The following TNFAIP2 variants were observed in gnomAD, a reference collection of about 807,000 sequenced individuals.
TNFAIP2 encodes the protein TNF alpha induced protein 2.
In TNFAIP2, 47 loss-of-function variants were observed where a neutral mutation model predicts 63.5. The ratio of observed to expected loss-of-function variants is 0.74; its 90% CI spans 0.59 to 0.94. The LOEUF is 0.94. Among genes scored for constraint, TNFAIP2 ranks in the 40% least tolerant of loss-of-function variants. The pLI, the probability that TNFAIP2 is intolerant of heterozygous loss-of-function variation, is 0.00. For missense variants in TNFAIP2, 787 were observed against 850.2 expected (o/e 0.93, Z 0.92); for synonymous variants, 405 against 390.2 (o/e 1.04, Z -0.45).
chr14:103,132,887 G>A lies in TNFAIP2; in HGVS notation c.1545+15G>A. 1.2e-6 allele frequency: 2 copies of A among 1,613,138 alleles called. No homozygotes were observed. The highest frequency in any genetic ancestry group is 2.2e-5 in the South Asian group (2 of 90,760). On this transcript the variant is annotated intron_variant, in intron 9 of 11. Coordinates refer to ENST00000560869, the MANE Select transcript of TNFAIP2 (RefSeq NM_006291.4). ...GTTTCCGGGAGGTGAGGAGGCTCTGGGCTGGTGGCTGGGTCTTGGGGAGTT... is the reference window on the plus strand; with the variant it reads ...GTTTCCGGGAGGTGAGGAGGCTCTGAGCTGGTGGCTGGGTCTTGGGGAGTT...
chr14:103,133,558 C>T lies in TNFAIP2; in HGVS notation c.1701+41C>T, dbSNP rs758762199. ...CCTCTCCCAAGCCCCTCTGAAATGGCTGCCTCTTCTCCCCTAGCCCTTTCA... is the reference window on the plus strand; with the variant it reads ...CCTCTCCCAAGCCCCTCTGAAATGGTTGCCTCTTCTCCCCTAGCCCTTTCA... On this transcript the variant is annotated intron_variant, in intron 10 of 11. Coordinates refer to ENST00000560869, the MANE Select transcript of TNFAIP2 (RefSeq NM_006291.4). 1.9e-6 allele frequency: 3 copies of T among 1,604,840 alleles called. No homozygotes were observed. In the South Asian group the frequency reaches 3.3e-5, roughly 18 times the overall value.
At chr14:103,134,361 C>G (rs573269075) in intron 11 of TNFAIP2, among the ~76,000 whole-genome samples, 1 of 152,314 alleles carries the variant, frequency 6.6e-6, no homozygotes, top group African/African-American at 2.4e-5. Flanking sequence ...CATTCATTCA[C>G]CCACCATACA....
intron 11 of TNFAIP2, among the ~76,000 whole-genome samples, chr14:103,134,982 T>G (rs1429384359): frequency 6.6e-6 from 1 of 152,182 alleles, no homozygotes; most frequent in Non-Finnish European, 1.5e-5. Context: ...GGCGGTCATC[T>G]CAGGGCCTGG....
intron 9 of TNFAIP2, 85 bp downstream of exon 9, chr14:103,132,957 C>A (rs566014600): frequency 6.4e-7 from 1 of 1,572,532 alleles, no homozygotes; most frequent in South Asian, 1.2e-5. Context: ...TGTACACTCA[C>A]GCACATGTGC....
rs1009724427 is a variant in TNFAIP2 at position 103,126,290 on chromosome 14, C to T, written c.-148-20C>T. 1.2e-5 allele frequency: 7 copies of T among 587,292 alleles called. No homozygotes were observed. The highest frequency in any genetic ancestry group is 2.1e-5 in the Non-Finnish European group (7 of 327,304). The allele number at this position is 587,292 out of a possible 1,614,324, so 36.4% of individuals were successfully genotyped here. ...GGCCGGTCCATGGTGACCACTGATG[C>T]CTTCACCCCCACCCCGCAGGAGCCT... On this transcript the variant is annotated intron_variant, in intron 1 of 11. Transcript: ENST00000560869.
At chr14:103,134,344 A>C (rs1034386811) in intron 11 of TNFAIP2, among the ~76,000 whole-genome samples, 1 of 152,144 alleles carries the variant, frequency 6.6e-6, no homozygotes, top group African/African-American at 2.4e-5. Context: ...GATCCATTCC[A>C]CCCATTCATT....
rs2087876236 is a variant in TNFAIP2 at position 103,127,240 on chromosome 14, G to A, written c.471G>A (p.Val157=). The change falls in exon 3 of 12, where the codon GTG becomes GTA. Residue 157 remains valine (V), a synonymous_variant. Transcript: ENST00000560869. This position sits in a 1 kb window ranked among gnomAD's most constrained non-coding sequence, Gnocchi z 5.1. The stretch of plus-strand genomic sequence containing the variant: ...AGCGGCTGCGCCAGGCGCTGGCCGT[G>A]GTGGCGGAGCAGGAGCGCGAGGACC... ...PPERLRQALA[V]VAEQEREDRQ... is the part of the protein sequence containing the mutation. 1.0e-5 allele frequency: 11 copies of A among 1,071,518 alleles called. No individual in the cohort carries two copies. In the South Asian group the frequency reaches 2.9e-4, roughly 28 times the overall value. The allele number at this position is 1,071,518 out of a possible 1,614,324, so 66.4% of individuals were successfully genotyped here. A position where few individuals can be genotyped will look rare whatever the true frequency, so the allele number is the denominator to read the frequency against.
rs2087967826 is a variant in TNFAIP2 at position 103,131,299 on chromosome 14, C to G, written c.1298+149C>G. On this transcript the variant is annotated intron_variant, in intron 7 of 11. Transcript: ENST00000560869. This position sits in a 1 kb window ranked among gnomAD's most constrained non-coding sequence, Gnocchi z 4.0. The stretch of plus-strand genomic sequence containing the variant: ...GTGAGGACTCCACGGCCTGCAGCAG[C>G]AGCAGCAAACATTTCCCAAGTGCTG... The G allele has an allele frequency of 1.1e-5, 9 of 837,758 alleles. No homozygotes were observed. In the Admixed American group the frequency reaches 1.4e-4, roughly 13 times the overall value. 51.9% of individuals were successfully genotyped at this position (837,758 alleles called of 1,614,324 possible).
chr14:103,135,307 A>G lies in TNFAIP2; in HGVS notation c.1912A>G (p.Met638Val). The G allele has an allele frequency of 1.2e-6, 2 of 1,613,906 alleles. No individual in the cohort carries two copies. The highest frequency in any genetic ancestry group is 4.5e-5 in the East Asian group (2 of 44,886). Residue 638 changes from methionine (M) to valine (V), a missense_variant, in exon 12 of 12, where the codon ATG (methionine) becomes GTG (valine). By Grantham distance (21) the Met-to-Val change is conservative. Transcript: ENST00000560869. This position sits in a 1 kb window ranked among gnomAD's most constrained non-coding sequence, Gnocchi z 7.6. ...CATCCGGAGCATCTTGGACGTCAGCATGGGGGCGCAGGAGCCCTCCCGGCC... is the reference window on the plus strand; with the variant it reads ...CATCCGGAGCATCTTGGACGTCAGCGTGGGGGCGCAGGAGCCCTCCCGGCC... ...KRIRSILDVS[M>V]GAQEPSRPLF...
rs2087924212 is a variant in TNFAIP2, at chr14:103,129,428, G to A, written c.861-312G>A. Among the ~76,000 whole-genome samples the A allele has an allele frequency of 1.3e-5, 2 of 152,058 alleles. 1 individual carries two copies. Among genetic ancestry groups the A allele is most frequent in the South Asian group, 4.2e-4 (2 of 4,818 alleles). On this transcript the variant is annotated intron_variant, in intron 3 of 11. Coordinates refer to ENST00000560869, the MANE Select transcript of TNFAIP2 (RefSeq NM_006291.4). ...GGCTTTTGCAGTGAGCCAGCGGGGA[G>A]CTGATGGGAGCCGGCCAGGGCGCCA...
In TNFAIP2 at chr14:103,127,757, G is replaced by A. The variant is rs2139554521; in HGVS notation, c.860+128G>A. 2 of 1,114,290 alleles carry A rather than the reference G, an allele frequency of 1.8e-6. No individual in the cohort carries two copies. The highest frequency in any genetic ancestry group is 2.0e-5 in the South Asian group (1 of 49,858). The allele number at this position is 1,114,290 out of a possible 1,614,324, so 69.0% of individuals were successfully genotyped here. On this transcript the variant is annotated intron_variant, in intron 3 of 11. Coordinates refer to ENST00000560869, the MANE Select transcript of TNFAIP2 (RefSeq NM_006291.4). This position sits in a 1 kb window ranked among gnomAD's most constrained non-coding sequence, Gnocchi z 5.1. Reference sequence around the variant, plus strand: ...TCGGTGTTTGCAGAGTTTTGGGTCCGAGAATGCAGGGGTGGGACTTGGACT... The same window carrying A: ...TCGGTGTTTGCAGAGTTTTGGGTCCAAGAATGCAGGGGTGGGACTTGGACT...
rs976347714 is a variant in TNFAIP2, at chr14:103,131,624, G to GC, written c.1299-13dup. On this transcript the variant is annotated splice_polypyrimidine_tract_variant and intron_variant, in intron 7 of 11. Coordinates refer to ENST00000560869, the MANE Select transcript of TNFAIP2 (RefSeq NM_006291.4). The surrounding 1 kb of genome is among the most constrained non-coding windows in gnomAD (Gnocchi z 4.0). The stretch of plus-strand genomic sequence containing the variant: ...TGAGCAGGGCTGGGGTGACCTCTCT[G>GC]CCTCCACCTTCCAGGATGTCCATGG... The GC allele has an allele frequency of 1.3e-6, 2 of 1,582,624 alleles. No homozygotes were observed. The highest frequency in any genetic ancestry group is 2.7e-5 in the African/African-American group (2 of 74,498).
At chr14:103,126,745 C>A in intron 2 of TNFAIP2, 53 bp downstream of exon 2, 1 of 1,514,294 alleles carries the variant, frequency 6.6e-7, no homozygotes, top group Non-Finnish European at 8.9e-7. Context: ...GGGGTTGGCG[C>A]TCATCCGCGT....
At chr14:103,124,447 G>A (rs8176355) in intron 1 of TNFAIP2, 1,989 of 152,662 alleles carry the variant, frequency 0.013, 23 homozygotes, top group Middle Eastern at 0.054. Context: ...TCTGGGTTTC[G>A]TGTCACAGAG....
rs1417020684 is a variant in TNFAIP2, at chr14:103,129,398, G to A, written c.861-342G>A. 2.0e-5 allele frequency among the ~76,000 whole-genome samples: 3 copies of A among 152,306 alleles called. No homozygotes were observed. In the East Asian group the frequency reaches 5.8e-4, roughly 29 times the overall value. ...GTGAGGGAAGGAGCAGAGAGGCCGG[G>A]AGGAGGCTTTTGCAGTGAGCCAGCG... is the stretch of plus-strand genomic sequence containing the variant. On this transcript the variant is annotated intron_variant, in intron 3 of 11. Transcript: ENST00000560869.
rs762125363 is a variant in TNFAIP2 at position 103,131,617 on chromosome 14, C to T, written c.1299-22C>T. The T allele has an allele frequency of 1.1e-5, 17 of 1,577,316 alleles. No homozygotes were observed. In the South Asian group the frequency reaches 1.9e-4, roughly 18 times the overall value. On this transcript the variant is annotated intron_variant, in intron 7 of 11. Coordinates refer to ENST00000560869, the MANE Select transcript of TNFAIP2 (RefSeq NM_006291.4). The surrounding 1 kb of genome is among the most constrained non-coding windows in gnomAD (Gnocchi z 4.0). The stretch of plus-strand genomic sequence containing the variant: ...TATAGGCTGAGCAGGGCTGGGGTGA[C>T]CTCTCTGCCTCCACCTTCCAGGATG...
Position 103,127,090 on chromosome 14 carries a change from G to C in TNFAIP2, c.321G>C (p.Ala107=). Reference sequence around the variant, plus strand: ...CGCTGGAGCGGGAGCTGGCGGCGGCGGCGGCGGCGGGCGGTGTGAGCGAGG... The same window carrying C: ...CGCTGGAGCGGGAGCTGGCGGCGGCCGCGGCGGCGGGCGGTGTGAGCGAGG... ...LLALERELAA[A]AAAGGVSEEE... Residue 107 remains alanine (A), a synonymous_variant, in exon 3 of 12, where the codon GCG becomes GCC. Coordinates refer to ENST00000560869, the MANE Select transcript of TNFAIP2 (RefSeq NM_006291.4). This position sits in a 1 kb window ranked among gnomAD's most constrained non-coding sequence, Gnocchi z 5.1. The C allele has an allele frequency of 9.1e-7, 1 of 1,104,712 alleles. No homozygotes were observed. The highest frequency in any genetic ancestry group is 5.3e-5 in the East Asian group (1 of 18,774). 68.4% of individuals were successfully genotyped at this position (1,104,712 alleles called of 1,614,324 possible). A position where few individuals can be genotyped will look rare whatever the true frequency, so the allele number is the denominator to read the frequency against.
At position 103,127,910 on chromosome 14, in the gene TNFAIP2, T is replaced by C. The variant is rs966433302; in HGVS notation, c.860+281T>C. Among the ~76,000 whole-genome samples, 17 of 152,086 alleles carry C rather than the reference T, an allele frequency of 1.1e-4. No homozygotes were observed. The highest frequency in any genetic ancestry group is 3.9e-4 in the African/African-American group (16 of 41,398). ...AGTCACATTCTGCTGTTGGGGAAAC[T>C]GAGGCACAGAAAATGGTAGGGATTT... On this transcript the variant is annotated intron_variant, in intron 3 of 11. Coordinates refer to ENST00000560869, the MANE Select transcript of TNFAIP2 (RefSeq NM_006291.4). This position sits in a 1 kb window ranked among gnomAD's most constrained non-coding sequence, Gnocchi z 5.1.
Position 103,131,223 on chromosome 14 carries a change from GGGA to G in TNFAIP2, c.1298+81_1298+83del. ...CAGGAGAGGGGAGCTGGAAGGTGGA[GGGA>G]GGAGGAGCTGCTTAGGCCAAGAAGT... On this transcript the variant is annotated intron_variant, in intron 7 of 11. Transcript: ENST00000560869. The surrounding 1 kb of genome is among the most constrained non-coding windows in gnomAD (Gnocchi z 4.0). The G allele has an allele frequency of 6.5e-7, 1 of 1,535,114 alleles. No individual in the cohort carries two copies. Among genetic ancestry groups the G allele is most frequent in the Non-Finnish European group, 9.0e-7 (1 of 1,111,428 alleles).
Sources: gnomAD v4.1 joint callset for allele counts (sites outside exome capture counted in the v4.1 genomes callset) on GRCh38, gnomAD v4.1.1 for gene constraint, Gnocchi (gnomAD v3.1) non-coding constraint, MANE v1.5 for transcripts, NCBI Gene and HGNC (gene_info 2026-07-23, HGNC 2026-07-21) for gene names.